ZNF620: variants seen among roughly 807,000 people sequenced by gnomAD.
ZNF620 encodes zinc finger protein 620.
ZNF620 carries 10 observed loss-of-function variants against 13.3 expected under a neutral mutation model. The ratio of observed to expected loss-of-function variants is 0.75; its 90% CI spans 0.46 to 1.28. The LOEUF (loss-of-function observed/expected upper bound fraction) is 1.28. Among genes scored for constraint, ZNF620 ranks in the 50% most tolerant of loss-of-function variants. ZNF620 has a pLI of 0.00. For synonymous variants in ZNF620, 166 were observed against 177.6 expected (o/e 0.93, Z 0.52); for missense variants, 461 against 500.2 (o/e 0.92, Z 0.75).
intron 2 of ZNF620, among the ~76,000 whole-genome samples, chr3:40,508,154 C>T (rs189351761): frequency 2.0e-5 from 3 of 152,110 alleles, no homozygotes; most frequent in African/African-American, 7.2e-5. Context: ...GAACTAGCTT[C>T]TGGTTTCATT....
chr3:40,516,350 TA>T lies in ZNF620; in HGVS notation c.759del (p.Lys253AsnfsTer9), dbSNP rs1284264948. Reference sequence around the variant, plus strand: ...TAATTCACACTGGAAAGAAACCATTTAAATGTAAAGAATGTGGAAAAGGTTT... The same window carrying T: ...TAATTCACACTGGAAAGAAACCATTTAATGTAAAGAATGTGGAAAAGGTTT... Reference protein sequence around the residue: ...QIIHTGKKPFKCKECGKGLSS... With the variant: ...QIIHTGKKPFXCKECGKGLSS... On this transcript the variant is annotated frameshift_variant, in exon 5 of 5. Coordinates refer to ENST00000314529, the MANE Select transcript of ZNF620 (RefSeq NM_175888.4). LOFTEE classifies it low-confidence loss of function (END_TRUNC). 6.2e-7 allele frequency: 1 copy of T among 1,614,172 alleles called. No homozygotes were observed. The highest frequency in any genetic ancestry group is 1.3e-5 in the African/African-American group (1 of 75,030).
At chr3:40,507,873 C>T (rs755799396) in intron 2 of ZNF620, among the ~76,000 whole-genome samples, 1 of 152,168 alleles carries the variant, frequency 6.6e-6, no homozygotes, top group Non-Finnish European at 1.5e-5. Context: ...AAGCAATCCT[C>T]CCCGCTCAGC....
chr3:40,510,338 T>C (rs1698155989), intron 2 of ZNF620, among the ~76,000 whole-genome samples: 1 of 152,148 alleles, frequency 6.6e-6, no homozygotes, highest in South Asian at 2.1e-4. Context: ...CCTTTTACTT[T>C]TGGTGTTTAG....
Position 40,512,519 on chromosome 3 carries a change from A to C in ZNF620, c.265+4A>C. The C allele has an allele frequency of 6.3e-7, 1 of 1,589,334 alleles. No individual in the cohort carries two copies. Among genetic ancestry groups the C allele is most frequent in the Non-Finnish European group, 8.5e-7 (1 of 1,170,136 alleles). Reference sequence around the variant, plus strand: ...GCTCTCAGAGGTATCTGTCCAGGTGAGCATGAGAACCCACTAGCTGCCTTT... The same window carrying C: ...GCTCTCAGAGGTATCTGTCCAGGTGCGCATGAGAACCCACTAGCTGCCTTT... On this transcript the variant is annotated splice_donor_region_variant and intron_variant, in intron 4 of 4. Transcript: ENST00000314529.
Position 40,516,672 on chromosome 3 carries a change from G to C in ZNF620, c.1078G>C (p.Gly360Arg). 1 of 1,614,152 alleles carries C rather than the reference G, an allele frequency of 6.2e-7. No individual in the cohort carries two copies. The highest frequency in any genetic ancestry group is 1.1e-5 in the South Asian group (1 of 91,078). The change falls in exon 5 of 5, where the codon GGG becomes CGG. Residue 360 changes from glycine to arginine, a missense_variant. Gly to Arg is a moderately radical substitution (Grantham distance 125). Transcript: ENST00000314529. ...ALTQHQRIHT[G>R]EKPFECKECG... ...GACTCAGCATCAGCGAATTCACACT[G>C]GGGAGAAGCCCTTTGAATGTAAGGA...
intron 3 of ZNF620, among the ~76,000 whole-genome samples, chr3:40,511,882 A>G (rs904398605): frequency 6.6e-6 from 1 of 151,810 alleles, no homozygotes. Context: ...GGGTTTCTCC[A>G]TGTTGGCCAG....
intron 4 of ZNF620, among the ~76,000 whole-genome samples, chr3:40,514,399 G>A (rs556333808): frequency 2.0e-5 from 3 of 152,140 alleles, no homozygotes; most frequent in African/African-American, 4.8e-5. Context: ...ATAACAGCAC[G>A]GCCAGGCATT....
At chr3:40,515,701 T>TTAGAAAATA (rs1443089948) in intron 4 of ZNF620, among the ~76,000 whole-genome samples, 159 bp from the exon 5 acceptor site, 12 of 152,186 alleles carry the variant, frequency 7.9e-5, no homozygotes, top group Non-Finnish European at 4.4e-5. Context: ...GGCAGCCATC[T>TTAGAAAATA]TGTGAGCATA....
chr3:40,509,099 G>A (rs1698121787), intron 2 of ZNF620, among the ~76,000 whole-genome samples: 1 of 152,132 alleles, frequency 6.6e-6, no homozygotes, highest in African/African-American at 2.4e-5. Context: ...TTGCCTTTTG[G>A]GATGTTTAGA....
chr3:40,512,472 C>G lies in ZNF620; in HGVS notation c.222C>G (p.Pro74=). Residue 74 remains proline, a synonymous_variant, in exon 4 of 5, where the codon CCC becomes CCG. Transcript: ENST00000314529. The part of the protein sequence containing the change: ...EQGELPWGLD[P]WEPMGREALR... ...GGGAACTGCCATGGGGCCTCGATCC[C>G]TGGGAACCTATGGGCAGGGAGGCTC... 1 of 1,614,172 alleles carries G rather than the reference C, an allele frequency of 6.2e-7. No homozygotes were observed. The highest frequency in any genetic ancestry group is 8.5e-7 in the Non-Finnish European group (1 of 1,180,012).
At chr3:40,514,609 A>C (rs901812130) in intron 4 of ZNF620, among the ~76,000 whole-genome samples, 5 of 152,068 alleles carry the variant, frequency 3.3e-5, no homozygotes, top group African/African-American at 7.2e-5. Flanking sequence ...AAAAAAACCC[A>C]AAAACATCAA....
chr3:40,512,456 C>T lies in ZNF620; in HGVS notation c.206C>T (p.Pro69Leu). ...TCCCAGCTGGAGCAAGGGGAACTGC[C>T]ATGGGGCCTCGATCCCTGGGAACCT... Reference protein sequence around the residue: ...LVSQLEQGELPWGLDPWEPMG... With the variant: ...LVSQLEQGELLWGLDPWEPMG... Residue 69 changes from proline (P) to leucine (L), a missense_variant, in exon 4 of 5, where the codon CCA becomes CTA. Coordinates refer to ENST00000314529, the MANE Select transcript of ZNF620 (RefSeq NM_175888.4). The T allele has an allele frequency of 1.2e-6, 2 of 1,614,242 alleles. No homozygotes were observed. Among genetic ancestry groups the T allele is most frequent in the Non-Finnish European group, 1.7e-6 (2 of 1,180,036 alleles).
intron 2 of ZNF620, 68 bp downstream of exon 2, chr3:40,506,444 A>T (rs1040425671): frequency 7.0e-7 from 1 of 1,426,994 alleles, no homozygotes. Context: ...TCACCTCTGC[A>T]TTCAGATCTT....
chr3:40,516,683 CT>C lies in ZNF620; in HGVS notation c.1092del (p.Phe364LeufsTer14), dbSNP rs768386227. On this transcript the variant is annotated frameshift_variant, in exon 5 of 5. Transcript: ENST00000314529. LOFTEE classifies it low-confidence loss of function (END_TRUNC). ...AGCGAATTCACACTGGGGAGAAGCC[CT>C]TTGAATGTAAGGAGTGTGGGAAGGC... ...HQRIHTGEKP[F>X]ECKECGKAFN... 16 of 1,614,020 alleles carry C rather than the reference CT, an allele frequency of 9.9e-6. No homozygotes were observed. The East Asian group carries it at 3.3e-4, about 34-fold the overall frequency.
In ZNF620 at chr3:40,506,149, G is replaced by C. The variant is rs1698008439; in HGVS notation, c.-50+11G>C. 1 of 658,768 alleles carries C rather than the reference G, an allele frequency of 1.5e-6. No individual in the cohort carries two copies. Among genetic ancestry groups the C allele is most frequent in the Non-Finnish European group, 2.7e-6 (1 of 369,056 alleles). The allele number at this position is 658,768 out of a possible 1,614,324, so 40.8% of individuals were successfully genotyped here. ...AGGTTCGCGGTCCGGGTAACTGATT[G>C]GTTTTCCTGGGGCTTGTTCTGCCTG... On this transcript the variant is annotated intron_variant, in intron 1 of 4. Coordinates refer to ENST00000314529, the MANE Select transcript of ZNF620 (RefSeq NM_175888.4).
chr3:40,506,557 G>A (rs1272239633), intron 2 of ZNF620, among the ~76,000 whole-genome samples, 181 bp downstream of exon 2: 1 of 152,056 alleles, frequency 6.6e-6, no homozygotes, highest in Non-Finnish European at 1.5e-5. Flanking sequence ...GAGTGTGGGG[G>A]GATTGGTTGG....
rs1023956045 is a variant in ZNF620 at position 40,518,615 on chromosome 3, C to G, written c.*1752C>G. On this transcript the variant is annotated 3_prime_UTR_variant, in exon 5 of 5. Transcript: ENST00000314529. ...GTGGGGTGACATGTGCCTGTAGTCC[C>G]AGCTACTTGGGAGGCTGAGGCAGGA... 4 of 151,478 alleles carry G rather than the reference C, an allele frequency of 2.6e-5. No individual in the cohort carries two copies. The highest frequency in any genetic ancestry group is 5.9e-5 in the Non-Finnish European group (4 of 67,994). 9.4% of individuals were successfully genotyped at this position (151,478 alleles called of 1,614,324 possible). A position where few individuals can be genotyped will look rare whatever the true frequency, so the allele number is the denominator to read the frequency against.
intron 4 of ZNF620, among the ~76,000 whole-genome samples, chr3:40,515,293 C>G (rs530825162): frequency 1.3e-5 from 2 of 152,298 alleles, no homozygotes; most frequent in African/African-American, 4.8e-5. Context: ...GCATGGCATC[C>G]TCAACCACTG....
Position 40,516,689 on chromosome 3 carries a change from A to G in ZNF620, c.1095A>G (p.Glu365=). ...TTCACACTGGGGAGAAGCCCTTTGA[A>G]TGTAAGGAGTGTGGGAAGGCATTCA... ...QRIHTGEKPF[E]CKECGKAFNQ... The change falls in exon 5 of 5, where the codon GAA becomes GAG. Residue 365 remains glutamate, a synonymous_variant. Coordinates refer to ENST00000314529, the MANE Select transcript of ZNF620 (RefSeq NM_175888.4). 2 of 1,614,200 alleles carry G rather than the reference A, an allele frequency of 1.2e-6. No individual in the cohort carries two copies. Among genetic ancestry groups the G allele is most frequent in the Middle Eastern group, 1.6e-4 (1 of 6,062 alleles).
Sources: gnomAD v4.1 joint callset for allele counts (sites outside exome capture counted in the v4.1 genomes callset) on GRCh38, gnomAD v4.1.1 for gene constraint, MANE v1.5 for transcripts, NCBI Gene and HGNC (gene_info 2026-07-23, HGNC 2026-07-21) for gene names.